The following SPOCK1 variants were observed in gnomAD, a reference collection of about 807,000 sequenced individuals.
SPOCK1 encodes SPARC (osteonectin), cwcv and kazal like domains proteoglycan 1, also known as testican-1.
Under a neutral mutation model 55.3 loss-of-function variants are expected in SPOCK1, and 23 were observed. The ratio of observed to expected loss-of-function variants is 0.42; its 90% CI spans 0.30 to 0.59. The LOEUF (loss-of-function observed/expected upper bound fraction) is 0.59. Ranked by LOEUF, SPOCK1 falls within the 20% of genes least tolerant of loss-of-function variation. SPOCK1 has a pLI of 0.22. For missense variants in SPOCK1, 499 were observed against 552.5 expected, an observed-to-expected ratio of 0.90 and a Z score of 0.97; for synonymous variants, 226 against 221.0, an observed-to-expected ratio of 1.02 and a Z score of -0.20.
intron 2 of SPOCK1, among the ~76,000 whole-genome samples, chr5:137,470,201 G>A (rs1010019715): frequency 2.6e-5 from 4 of 152,186 alleles, no homozygotes; most frequent in African/African-American, 9.7e-5. Context: ...GGACGGATTT[G>A]TGAGTGCATC....
chr5:136,978,919 G>C (rs754296876), intron 10 of SPOCK1, 75 bp from the exon 11 acceptor site: 357 of 1,453,528 alleles, frequency 2.5e-4, no homozygotes, highest in Non-Finnish European at 3.0e-4. Context: ...TCCTTTGCCT[G>C]AATTGTAGGG....
intron 6 of SPOCK1, among the ~76,000 whole-genome samples, chr5:137,066,356 C>T (rs1311193484): frequency 1.3e-5 from 2 of 152,250 alleles, no homozygotes; most frequent in South Asian, 4.2e-4. Context: ...CCAGGCTGGC[C>T]TTGAACTCCT....
intron 3 of SPOCK1, among the ~76,000 whole-genome samples, chr5:137,245,364 T>G (rs563416184): frequency 2.0e-5 from 3 of 152,380 alleles, no homozygotes; most frequent in Admixed American, 6.5e-5. Flanking sequence ...TTCTATGACT[T>G]TCTGGAACTT....
At chr5:137,188,583 C>T (rs749757204) in intron 3 of SPOCK1, among the ~76,000 whole-genome samples, 18 of 152,132 alleles carry the variant, frequency 1.2e-4, no homozygotes, top group African/African-American at 3.9e-4. Flanking sequence ...CTGACTGGTC[C>T]GTTGACTGGC....
At chr5:137,237,139 T>A (rs1756197318) in intron 3 of SPOCK1, among the ~76,000 whole-genome samples, 1 of 152,226 alleles carries the variant, frequency 6.6e-6, no homozygotes, top group African/African-American at 2.4e-5. Context: ...GGCAAGCAAC[T>A]GGTAATTGCA....
intron 6 of SPOCK1, among the ~76,000 whole-genome samples, chr5:137,024,314 A>AGC (rs1554093472): frequency 4.2e-5 from 5 of 119,194 alleles, no homozygotes; most frequent in African/African-American, 1.6e-4. Context: ...ACCAGTTTGA[A>AGC]GGGGGGGGGG....
intron 6 of SPOCK1, among the ~76,000 whole-genome samples, chr5:137,002,792 G>A (rs1751176107): frequency 6.6e-6 from 1 of 152,206 alleles, no homozygotes. Flanking sequence ...CATGGGGGAA[G>A]GGGAAGGACA....
intron 6 of SPOCK1, among the ~76,000 whole-genome samples, chr5:137,059,954 G>T (rs1455218586): frequency 1.3e-5 from 2 of 152,192 alleles, no homozygotes; most frequent in Non-Finnish European, 2.9e-5. Context: ...AATAACAGAT[G>T]CTGGCAAGGC....
chr5:137,309,678 C>G (rs955263642), intron 2 of SPOCK1, among the ~76,000 whole-genome samples: 1 of 152,122 alleles, frequency 6.6e-6, no homozygotes, highest in East Asian at 1.9e-4. Context: ...AAATCCTGGT[C>G]CTGCCACTTA....
At chr5:137,399,169 T>C (rs1052709507) in intron 2 of SPOCK1, among the ~76,000 whole-genome samples, 1 of 152,194 alleles carries the variant, frequency 6.6e-6, no homozygotes, top group Non-Finnish European at 1.5e-5. Context: ...CCAAAAGTAA[T>C]GCCAGAAAAG....
At chr5:137,024,430 A>G (rs1265523445) in intron 6 of SPOCK1, among the ~76,000 whole-genome samples, 1 of 152,100 alleles carries the variant, frequency 6.6e-6, no homozygotes, top group Non-Finnish European at 1.5e-5. Context: ...TTTTCAGAAT[A>G]AAAGGAGCAC....
At chr5:137,214,928 A>C (rs1755686183) in intron 3 of SPOCK1, among the ~76,000 whole-genome samples, 1 of 152,200 alleles carries the variant, frequency 6.6e-6, no homozygotes, top group Non-Finnish European at 1.5e-5. Flanking sequence ...CAATGTAACC[A>C]TTACAAGGGA....
intron 3 of SPOCK1, among the ~76,000 whole-genome samples, chr5:137,162,761 T>C (rs1034519104): frequency 1.1e-4 from 16 of 152,180 alleles, no homozygotes; most frequent in Admixed American, 9.8e-4. Flanking sequence ...AAAACTTCTC[T>C]GGGGCTACAG....
intron 2 of SPOCK1, among the ~76,000 whole-genome samples, chr5:137,445,257 G>T (rs534267347): frequency 2.6e-5 from 4 of 152,240 alleles, no homozygotes; most frequent in African/African-American, 9.6e-5. Flanking sequence ...TCAGAACTGA[G>T]ACCAAATTTC....
chr5:137,408,406 G>T (rs1030229664), intron 2 of SPOCK1, among the ~76,000 whole-genome samples: 6 of 152,172 alleles, frequency 3.9e-5, no homozygotes, highest in African/African-American at 1.4e-4. Flanking sequence ...AGCAGACTGA[G>T]GCTGAAGAAG....
intron 4 of SPOCK1, among the ~76,000 whole-genome samples, chr5:137,138,713 C>T (rs76189174): frequency 1.7e-5 from 2 of 119,476 alleles, no homozygotes; most frequent in Non-Finnish European, 3.6e-5. Context: ...CCCCCCCCCC[C>T]AAAAAAAAGT....
At chr5:137,332,667 T>C in intron 2 of SPOCK1, among the ~76,000 whole-genome samples, 1 of 152,164 alleles carries the variant, frequency 6.6e-6, no homozygotes, top group Non-Finnish European at 1.5e-5. Flanking sequence ...TACAAAAGTG[T>C]TTTCAGATGA....
intron 2 of SPOCK1, among the ~76,000 whole-genome samples, chr5:137,338,481 G>A (rs578153156): frequency 7.6e-4 from 115 of 152,092 alleles, no homozygotes; most frequent in African/African-American, 2.7e-3. Flanking sequence ...ATAAACACAC[G>A]TGTACATGTG....
At chr5:137,211,074 G>A (rs1350564557) in intron 3 of SPOCK1, among the ~76,000 whole-genome samples, 1 of 152,218 alleles carries the variant, frequency 6.6e-6, no homozygotes, top group Non-Finnish European at 1.5e-5. Context: ...CAAAGAGAAA[G>A]AAGACTGAGA....
Sources: allele counts gnomAD v4.1 joint callset (sites outside exome capture counted in the v4.1 genomes callset), GRCh38; gene constraint gnomAD v4.1.1; transcripts MANE v1.5; gene names NCBI Gene and HGNC (gene_info 2026-07-23, HGNC 2026-07-21).